KPNA4: variants seen among roughly 807,000 people sequenced by gnomAD.
KPNA4 encodes the protein karyopherin subunit alpha 4, also known as importin subunit alpha-3.
A neutral mutation model predicts 71.3 loss-of-function variants in KPNA4; 13 were observed. That is an observed-to-expected ratio of 0.18 (90% confidence interval 0.12 to 0.29). KPNA4 has a LOEUF of 0.29. Ranked by LOEUF, KPNA4 falls within the 10% of genes least tolerant of loss-of-function variation. The probability of loss-of-function intolerance (pLI) is 1.00; values close to 1 mark genes in which losing one functional copy is unlikely to be tolerated. For missense variants in KPNA4, 334 were observed against 603.2 expected (o/e 0.55, Z 4.67); for synonymous variants, 189 against 195.2 (o/e 0.97, Z 0.26).
In KPNA4 at chr3:160,546,817, C is replaced by T. The variant is rs150703676; in HGVS notation, c.70-9977G>A. Reference sequence around the variant, plus strand: ...CCACTCAAGACTTAGAGCTTCTAACCCACGTCTCATTTATTGTGGTATAGT... The same window carrying T: ...CCACTCAAGACTTAGAGCTTCTAACTCACGTCTCATTTATTGTGGTATAGT... On this transcript the variant is annotated intron_variant, in intron 1 of 16. Coordinates refer to ENST00000334256, the MANE Select transcript of KPNA4 (RefSeq NM_002268.5). Among the ~76,000 whole-genome samples the T allele has an allele frequency of 5.4e-3, 827 of 152,242 alleles. 6 individuals carry two copies. Among genetic ancestry groups the T allele is most frequent in the Middle Eastern group, 0.01 (3 of 294 alleles).
In KPNA4 at chr3:160,524,528, G is replaced by C. The variant is rs537647473; in HGVS notation, c.771+1272C>G. 3.3e-5 allele frequency among the ~76,000 whole-genome samples: 5 copies of C among 151,898 alleles called. No individual in the cohort carries two copies. The East Asian group carries it at 9.7e-4, about 29-fold the overall frequency. ...GGCTAATTTTTTGGTATTTTTCATA[G>C]AGACAGGGTTTCGTCATGTTGCCCA... On this transcript the variant is annotated intron_variant, in intron 10 of 16. Coordinates refer to ENST00000334256, the MANE Select transcript of KPNA4 (RefSeq NM_002268.5).
In KPNA4 at chr3:160,505,112, A is replaced by G. The variant is rs933631791; in HGVS notation, c.1373-60T>C. On this transcript the variant is annotated intron_variant, in intron 15 of 16. Coordinates refer to ENST00000334256, the MANE Select transcript of KPNA4 (RefSeq NM_002268.5). The stretch of plus-strand genomic sequence containing the variant: ...TATTTAAAGAGCAGTGACAAGTTAG[A>G]ATAATCTTTGGAACACATAATCCAA... 3 of 881,932 alleles carry G rather than the reference A, an allele frequency of 3.4e-6. No individual in the cohort carries two copies. The Admixed American group carries it at 8.9e-5, about 26-fold the overall frequency. 54.6% of individuals were successfully genotyped at this position (881,932 alleles called of 1,614,324 possible).
chr3:160,537,609 C>T (rs757437822), intron 1 of KPNA4, among the ~76,000 whole-genome samples: 6 of 148,860 alleles, frequency 4.0e-5, no homozygotes, highest in Admixed American at 2.0e-4. Flanking sequence ...CTGTGTATTA[C>T]GTAGCGGTAA....
intron 1 of KPNA4, among the ~76,000 whole-genome samples, chr3:160,541,094 G>A (rs981683052): frequency 6.6e-6 from 1 of 152,152 alleles, no homozygotes; most frequent in African/African-American, 2.4e-5. Context: ...CTGCTTTAAT[G>A]AGGTGTAGAT....
At chr3:160,561,659 T>C (rs994104640) in intron 1 of KPNA4, among the ~76,000 whole-genome samples, 1 of 152,032 alleles carries the variant, frequency 6.6e-6, no homozygotes, top group African/African-American at 2.4e-5. Context: ...AAATTACAAC[T>C]TTAAAAGGAT....
intron 11 of KPNA4, among the ~76,000 whole-genome samples, chr3:160,517,956 A>AAG (rs1186385888): frequency 3.9e-5 from 6 of 152,160 alleles, no homozygotes; most frequent in Admixed American, 3.9e-4. Context: ...AAGCACACAC[A>AAG]AGTTTGTAAG....
At chr3:160,549,249 C>A (rs771876532) in intron 1 of KPNA4, among the ~76,000 whole-genome samples, 6 of 152,108 alleles carry the variant, frequency 3.9e-5, no homozygotes, top group African/African-American at 1.4e-4. Context: ...TCTTTTCACT[C>A]GATTGTTTCC....
Position 160,527,462 on chromosome 3 carries a change from C to T in KPNA4, c.556+491G>A, listed in dbSNP as rs367811983. Reference sequence around the variant, plus strand: ...TTCATGGTGACAGGAAATAATATTACTATATTTTATACATTACTAAATTCT... The same window carrying T: ...TTCATGGTGACAGGAAATAATATTATTATATTTTATACATTACTAAATTCT... On this transcript the variant is annotated intron_variant, in intron 8 of 16. Transcript: ENST00000334256. 2.6e-5 allele frequency among the ~76,000 whole-genome samples: 4 copies of T among 152,102 alleles called. No individual in the cohort carries two copies. In the East Asian group the frequency reaches 7.7e-4, roughly 29 times the overall value.
intron 2 of KPNA4, 44 bp from the exon 3 acceptor site, chr3:160,535,941 G>A (rs2272489): frequency 0.16 from 176,176 of 1,073,040 alleles, 16,328 homozygotes; most frequent in Non-Finnish European, 0.18. Context: ...CAGAGAATTT[G>A]AGTTAAAAAG....
intron 16 of KPNA4, among the ~76,000 whole-genome samples, chr3:160,502,417 C>T (rs1281884383): frequency 6.6e-6 from 1 of 151,694 alleles, no homozygotes; most frequent in Non-Finnish European, 1.5e-5. Flanking sequence ...GTCACCCAGG[C>T]TGGAGATGAG....
Position 160,530,944 on chromosome 3 carries a change from C to CAA in KPNA4, c.384-6_384-5dup. 4.5e-6 allele frequency: 7 copies of CAA among 1,553,214 alleles called. No homozygotes were observed. The highest frequency in any genetic ancestry group is 1.2e-5 in the South Asian group (1 of 83,598). ...AGCTTCAAACTGTAAAGAAGGACTA[C>CAA]AAAAAAAAACAAGTATTTTTAAACA... On this transcript the variant is annotated splice_polypyrimidine_tract_variant and splice_region_variant and intron_variant, in intron 6 of 16. Coordinates refer to ENST00000334256, the MANE Select transcript of KPNA4 (RefSeq NM_002268.5).
chr3:160,521,998 A>T, intron 10 of KPNA4, 88 bp from the exon 11 acceptor site: 1 of 1,105,256 alleles, frequency 9.0e-7, no homozygotes, highest in Non-Finnish European at 1.3e-6. Context: ...AAAATTGTTC[A>T]ACTACCTTCT....
intron 10 of KPNA4, among the ~76,000 whole-genome samples, chr3:160,523,632 G>A (rs904888770): frequency 2.0e-5 from 3 of 152,068 alleles, no homozygotes; most frequent in African/African-American, 4.8e-5. Flanking sequence ...GGTGGATCAC[G>A]AGGTCAAGAG....
chr3:160,546,700 G>A (rs777093761), intron 1 of KPNA4, among the ~76,000 whole-genome samples: 34 of 152,036 alleles, frequency 2.2e-4, no homozygotes, highest in Admixed American at 2.0e-3. Context: ...CAAAGGTTCC[G>A]ATATCGCTCC....
Position 160,533,544 on chromosome 3 carries a change from T to C in KPNA4, c.287+1969A>G, listed in dbSNP as rs540476809. On this transcript the variant is annotated intron_variant, in intron 5 of 16. Transcript: ENST00000334256. ...GGGTCAAAATTTAATTTAAAAAATTTTTTTTACACTTCACTGAGGATATTT... is the reference window on the plus strand; with the variant it reads ...GGGTCAAAATTTAATTTAAAAAATTCTTTTTACACTTCACTGAGGATATTT... Among the ~76,000 whole-genome samples the C allele has an allele frequency of 1.3e-3, 199 of 152,262 alleles. 1 individual carries two copies. The highest frequency in any genetic ancestry group is 4.6e-3 in the African/African-American group (191 of 41,564).
At chr3:160,542,099 T>C (rs1210935157) in intron 1 of KPNA4, among the ~76,000 whole-genome samples, 2 of 152,116 alleles carry the variant, frequency 1.3e-5, no homozygotes, top group Non-Finnish European at 2.9e-5. Context: ...AAGAGAGAAC[T>C]ATGAAAGATG....
chr3:160,522,748 G>A (rs1056906891), intron 10 of KPNA4, among the ~76,000 whole-genome samples: 1 of 152,174 alleles, frequency 6.6e-6, no homozygotes, highest in African/African-American at 2.4e-5. Context: ...GTAAGCCACT[G>A]CGCCCGGCCA....
At chr3:160,550,345 A>G (rs1381894616) in intron 1 of KPNA4, among the ~76,000 whole-genome samples, 2 of 152,158 alleles carry the variant, frequency 1.3e-5, no homozygotes, top group Non-Finnish European at 2.9e-5. Context: ...TCAGTCTCAA[A>G]ATCCTGGGCT....
intron 1 of KPNA4, among the ~76,000 whole-genome samples, chr3:160,545,822 T>C (rs1346414594): frequency 6.6e-6 from 1 of 151,832 alleles, no homozygotes; most frequent in Non-Finnish European, 1.5e-5. Context: ...TGAATATATT[T>C]TGAAGACAGA....
Sources: gnomAD v4.1 joint callset for allele counts (sites outside exome capture counted in the v4.1 genomes callset) on GRCh38, gnomAD v4.1.1 for gene constraint, MANE v1.5 for transcripts, NCBI Gene and HGNC (gene_info 2026-07-23, HGNC 2026-07-21) for gene names.